The following ST8SIA2 variants were observed in gnomAD, a reference collection of about 807,000 sequenced individuals.
ST8SIA2 encodes ST8 alpha-N-acetyl-neuraminide alpha-2,8-sialyltransferase 2, also known as alpha-2,8-sialyltransferase 8B.
A neutral mutation model predicts 37.6 loss-of-function variants in ST8SIA2; 22 were observed. The observed-to-expected ratio is 0.58, with a 90% CI of 0.42 to 0.83. ST8SIA2 has a LOEUF of 0.83. ST8SIA2 is among the 40% of genes least tolerant of loss of function. The pLI, the probability that ST8SIA2 is intolerant of heterozygous loss-of-function variation, is 0.00. For missense variants in ST8SIA2, 382 were observed against 484.7 expected, an observed-to-expected ratio of 0.79 and a Z score of 1.99; for synonymous variants, 205 against 201.2, an observed-to-expected ratio of 1.02 and a Z score of -0.16.
chr15:92,397,386 GAC>G (rs1745459047), intron 1 of ST8SIA2, among the ~76,000 whole-genome samples: 1 of 152,142 alleles, frequency 6.6e-6, no homozygotes, highest in Non-Finnish European at 1.5e-5. Context: ...AGTTTTCTGA[GAC>G]ACACATCTCT....
chr15:92,437,677 G>A (rs1408626503), intron 3 of ST8SIA2, among the ~76,000 whole-genome samples: 5 of 152,006 alleles, frequency 3.3e-5, no homozygotes, highest in African/African-American at 7.2e-5. Flanking sequence ...GTCCATACAC[G>A]TCACAGTATC....
chr15:92,434,104 TC>T, intron 2 of ST8SIA2, 142 bp from the exon 3 acceptor site: 1 of 1,124,524 alleles, frequency 8.9e-7, no homozygotes, highest in East Asian at 2.4e-5. Flanking sequence ...TAAATAGACT[TC>T]CTTCTCTTCT....
intron 3 of ST8SIA2, among the ~76,000 whole-genome samples, chr15:92,435,303 C>G (rs2141831917): frequency 6.6e-6 from 1 of 152,226 alleles, no homozygotes; most frequent in South Asian, 2.1e-4. Context: ...GAAGACTGGC[C>G]AGGAAAGGCT....
intron 5 of ST8SIA2, among the ~76,000 whole-genome samples, chr15:92,460,854 A>G (rs1249627870): frequency 2.6e-5 from 4 of 152,198 alleles, no homozygotes; most frequent in Non-Finnish European, 4.4e-5. Context: ...TCCCCTTGCC[A>G]TCTGAGTGTG....
At chr15:92,401,119 G>C (rs912932945) in intron 1 of ST8SIA2, among the ~76,000 whole-genome samples, 1 of 152,150 alleles carries the variant, frequency 6.6e-6, no homozygotes, top group Non-Finnish European at 1.5e-5. Flanking sequence ...GTTAGAGACA[G>C]TTGGGAGGAT....
chr15:92,394,976 G>C (rs981992911), intron 1 of ST8SIA2, among the ~76,000 whole-genome samples: 1 of 152,136 alleles, frequency 6.6e-6, no homozygotes, highest in Non-Finnish European at 1.5e-5. Flanking sequence ...GGGTGGGACC[G>C]CGAGCCCGGA....
At chr15:92,433,111 C>A (rs1401087366) in intron 2 of ST8SIA2, among the ~76,000 whole-genome samples, 4 of 150,418 alleles carry the variant, frequency 2.7e-5, no homozygotes, top group Non-Finnish European at 4.4e-5. Context: ...GCCTGGGTGA[C>A]AGAGCCCGCC....
chr15:92,406,661 G>T (rs563175941), intron 1 of ST8SIA2, among the ~76,000 whole-genome samples: 1 of 152,294 alleles, frequency 6.6e-6, no homozygotes, highest in East Asian at 1.9e-4. Flanking sequence ...CCATCACAGA[G>T]TCAGCCTAGA....
At chr15:92,418,664 C>T (rs775693742) in intron 1 of ST8SIA2, among the ~76,000 whole-genome samples, 12 of 151,886 alleles carry the variant, frequency 7.9e-5, no homozygotes, top group Non-Finnish European at 1.3e-4. Flanking sequence ...ACAGAGTGAA[C>T]TTTGATTGAG....
At chr15:92,400,871 C>T (rs1178915308) in intron 1 of ST8SIA2, among the ~76,000 whole-genome samples, 1 of 152,168 alleles carries the variant, frequency 6.6e-6, no homozygotes, top group African/African-American at 2.4e-5. Context: ...AAGGGCTGGT[C>T]CCCAGGTAGG....
At chr15:92,435,202 C>T (rs570498359) in intron 3 of ST8SIA2, among the ~76,000 whole-genome samples, 1 of 152,272 alleles carries the variant, frequency 6.6e-6, no homozygotes, top group South Asian at 2.1e-4. Flanking sequence ...CGTGGTATGA[C>T]ATACACATGA....
chr15:92,397,473 A>G lies in ST8SIA2; in HGVS notation c.98+3311A>G, dbSNP rs1002063177. Among the ~76,000 whole-genome samples, 3 of 152,188 alleles carry G rather than the reference A, an allele frequency of 2.0e-5. No homozygotes were observed. In the South Asian group the frequency reaches 6.2e-4, roughly 32 times the overall value. ...CATTGAGCTGGAGCTGACTAAGAAA[A>G]CAAAATGTAGAAAGATAAGTTCTCT... On this transcript the variant is annotated intron_variant, in intron 1 of 5. Coordinates refer to ENST00000268164, the MANE Select transcript of ST8SIA2 (RefSeq NM_006011.4).
At chr15:92,398,375 T>C (rs2049447353) in intron 1 of ST8SIA2, among the ~76,000 whole-genome samples, 1 of 152,214 alleles carries the variant, frequency 6.6e-6, no homozygotes, top group African/African-American at 2.4e-5. Context: ...CCTCTACCCA[T>C]AAAGGAATTA....
chr15:92,434,970 C>T (rs1280090071), intron 3 of ST8SIA2, among the ~76,000 whole-genome samples: 5 of 152,198 alleles, frequency 3.3e-5, no homozygotes, highest in Admixed American at 3.3e-4. Flanking sequence ...GTTTTCAGAG[C>T]ACTGCAGCCA....
At position 92,438,453 on chromosome 15, in the gene ST8SIA2, A is replaced by G. The variant is rs1478923581; in HGVS notation, c.391A>G (p.Ser131Gly). 1 of 1,614,238 alleles carries G rather than the reference A, an allele frequency of 6.2e-7. No homozygotes were observed. The highest frequency in any genetic ancestry group is 2.2e-5 in the East Asian group (1 of 44,886). The change falls in exon 4 of 6, where the codon AGC becomes GGC. Residue 131 changes from serine to glycine, a missense_variant. By Grantham distance (56) the Ser-to-Gly change is moderately conservative (BLOSUM62 0). Coordinates refer to ENST00000268164, the MANE Select transcript of ST8SIA2 (RefSeq NM_006011.4). ...DIIHYIFDRD[S>G]TMNVSQNLYE... The stretch of plus-strand genomic sequence containing the variant: ...TATTCATTACATCTTCGATCGAGAC[A>G]GCACCATGAATGTGTCCCAGAACCT...
chr15:92,405,008 C>A (rs979834694), intron 1 of ST8SIA2, among the ~76,000 whole-genome samples: 3 of 152,136 alleles, frequency 2.0e-5, no homozygotes, highest in African/African-American at 7.2e-5. Context: ...CCCCTGTAAT[C>A]CCAGCTCTTA....
intron 5 of ST8SIA2, 55 bp downstream of exon 5, chr15:92,444,984 G>C: frequency 6.3e-7 from 1 of 1,598,090 alleles, no homozygotes; most frequent in Admixed American, 1.7e-5. Context: ...GGAGATTCTT[G>C]GTAGGCAGTA....
At position 92,416,978 on chromosome 15, in the gene ST8SIA2, CA is replaced by C. The variant is rs995277034; in HGVS notation, c.99-13069del. ...CTGCACTCTTCAAAACCAACTTACCCAAGGACAGCTTTTCCAAGGGGACTTG... is the reference window on the plus strand; with the variant it reads ...CTGCACTCTTCAAAACCAACTTACCCAGGACAGCTTTTCCAAGGGGACTTG... On this transcript the variant is annotated intron_variant, in intron 1 of 5. Transcript: ENST00000268164. Among the ~76,000 whole-genome samples the C allele has an allele frequency of 2.4e-4, 37 of 152,200 alleles. 1 individual carries two copies. The highest frequency in any genetic ancestry group is 8.9e-4 in the African/African-American group (37 of 41,436).
At chr15:92,412,778 C>T (rs2049558964) in intron 1 of ST8SIA2, among the ~76,000 whole-genome samples, 1 of 152,212 alleles carries the variant, frequency 6.6e-6, no homozygotes, top group African/African-American at 2.4e-5. Flanking sequence ...ATGCCTCAGC[C>T]TCCCAAGCAG....
Sources: gnomAD v4.1 joint callset for allele counts (sites outside exome capture counted in the v4.1 genomes callset) on GRCh38, gnomAD v4.1.1 for gene constraint, MANE v1.5 for transcripts, NCBI Gene and HGNC (gene_info 2026-07-23, HGNC 2026-07-21) for gene names.